Variants in DCDC1 observed in about 807,000 individuals in gnomAD.
DCDC1 encodes the protein doublecortin domain containing 1.
DCDC1 carries 200 observed loss-of-function variants against 178.3 expected under a neutral mutation model. The observed-to-expected ratio is 1.12, with a 90% CI of 1.00 to 1.26. The LOEUF (loss-of-function observed/expected upper bound fraction) is 1.26, where lower values mean the gene tolerates loss of function less well. Ranked by LOEUF, DCDC1 falls within the 50% of genes most tolerant of loss-of-function variation. The pLI is 0.00. For missense variants in DCDC1, 1,983 were observed against 1,749.2 expected (o/e 1.13, Z -2.38); for synonymous variants, 690 against 604.8 (o/e 1.14, Z -2.07).
intron 9 of DCDC1, among the ~76,000 whole-genome samples, chr11:31,235,660 G>A (rs926685811): frequency 3.3e-5 from 5 of 152,028 alleles, no homozygotes; most frequent in African/African-American, 1.2e-4. Flanking sequence ...TGTTGATAAA[G>A]ATGGAGACAT....
intron 9 of DCDC1, among the ~76,000 whole-genome samples, chr11:31,189,875 C>T (rs956280496): frequency 2.6e-5 from 4 of 152,208 alleles, no homozygotes; most frequent in African/African-American, 9.6e-5. Context: ...AGCCATATCA[C>T]TAACATATTC....
chr11:30,998,270 C>G (rs1951381847), intron 20 of DCDC1, among the ~76,000 whole-genome samples: 1 of 151,654 alleles, frequency 6.6e-6, no homozygotes, highest in Admixed American at 6.6e-5. Context: ...CCAGCCTGGG[C>G]AATAGAATGA....
At chr11:31,137,856 C>G in intron 9 of DCDC1, 72 bp from the exon 10 acceptor site, 4 of 646,748 alleles carry the variant, frequency 6.2e-6, no homozygotes, top group Non-Finnish European at 1.1e-5. Flanking sequence ...ATTCAAACAA[C>G]TAGTTAAGCA....
intron 11 of DCDC1, among the ~76,000 whole-genome samples, chr11:31,112,872 C>T (rs762364919): frequency 5.3e-5 from 8 of 152,122 alleles, no homozygotes; most frequent in Non-Finnish European, 7.4e-5. Context: ...GTGCCTACTA[C>T]GTGCCAAGCA....
intron 14 of DCDC1, among the ~76,000 whole-genome samples, chr11:31,103,006 T>A (rs1236732445): frequency 6.6e-6 from 1 of 152,078 alleles, no homozygotes; most frequent in East Asian, 1.9e-4. Context: ...AAGAGTAGAG[T>A]AATATGGAAT....
intron 20 of DCDC1, among the ~76,000 whole-genome samples, chr11:30,994,528 G>GTT (rs1170147445): frequency 1.9e-5 from 2 of 106,162 alleles, no homozygotes; most frequent in Non-Finnish European, 4.6e-5. Flanking sequence ...CTGACCTCAA[G>GTT]TTATATATAT....
At chr11:30,916,726 A>G in intron 26 of DCDC1, 144 bp downstream of exon 26, 1 of 1,026,764 alleles carries the variant, frequency 9.7e-7, no homozygotes, top group East Asian at 2.8e-5. Flanking sequence ...TAAATATTTT[A>G]ATCAAAAACA....
chr11:31,328,612 C>T (rs1028505347), intron 2 of DCDC1, among the ~76,000 whole-genome samples: 1 of 151,948 alleles, frequency 6.6e-6, no homozygotes, highest in African/African-American at 2.4e-5. Context: ...TCCTGGCTAA[C>T]ACAGTGAAAC....
At chr11:30,928,007 C>T (rs1000178529) in intron 22 of DCDC1, among the ~76,000 whole-genome samples, 1 of 151,970 alleles carries the variant, frequency 6.6e-6, no homozygotes, top group African/African-American at 2.4e-5. Flanking sequence ...GATGTTTGTC[C>T]TCTGCAAACC....
At chr11:31,194,213 G>A (rs573149158) in intron 9 of DCDC1, among the ~76,000 whole-genome samples, 9 of 152,086 alleles carry the variant, frequency 5.9e-5, no homozygotes, top group Admixed American at 4.6e-4. Context: ...GTTTAATGTC[G>A]ACAAGATTAC....
At chr11:31,280,771 G>C in intron 7 of DCDC1, 1 of 603,548 alleles carries the variant, frequency 1.7e-6, no homozygotes, top group South Asian at 1.4e-5. Flanking sequence ...TGTACTTCTT[G>C]GGACTCTCCA....
chr11:31,023,879 G>C (rs780427981), intron 20 of DCDC1, among the ~76,000 whole-genome samples: 1 of 151,938 alleles, frequency 6.6e-6, no homozygotes. Context: ...GTAACTAAAA[G>C]AGCTAAACTT....
At chr11:31,213,756 T>C (rs286647) in intron 9 of DCDC1, among the ~76,000 whole-genome samples, 105,320 of 151,542 alleles carry the variant, frequency 0.69, 37,629 homozygotes, top group East Asian at 0.96. Flanking sequence ...CATCTTCTAC[T>C]ACTTTTGACA....
intron 20 of DCDC1, among the ~76,000 whole-genome samples, chr11:31,007,518 G>A (rs1364950790): frequency 6.6e-6 from 1 of 152,212 alleles, no homozygotes; most frequent in Non-Finnish European, 1.5e-5. Context: ...CAGTATGGTT[G>A]TAGGAGTGTC....
intron 6 of DCDC1, among the ~76,000 whole-genome samples, chr11:31,293,361 C>T (rs1013142692): frequency 6.6e-6 from 1 of 152,086 alleles, no homozygotes; most frequent in African/African-American, 2.4e-5. Flanking sequence ...TTAGAAAGAG[C>T]AAGAAACCAC....
At chr11:30,958,898 GA>G (rs1194964846) in intron 20 of DCDC1, among the ~76,000 whole-genome samples, 1 of 152,082 alleles carries the variant, frequency 6.6e-6, no homozygotes, top group East Asian at 1.9e-4. Context: ...GCAAAGGTCT[GA>G]AACCCAGGGG....
intron 15 of DCDC1, among the ~76,000 whole-genome samples, chr11:31,097,866 C>A (rs1260371574): frequency 6.6e-6 from 1 of 152,172 alleles, no homozygotes; most frequent in Non-Finnish European, 1.5e-5. Flanking sequence ...CGTTTCCCAG[C>A]CTCCTTTATG....
chr11:30,999,869 T>C (rs1951475890), intron 20 of DCDC1, among the ~76,000 whole-genome samples: 2 of 152,166 alleles, frequency 1.3e-5, no homozygotes, highest in Non-Finnish European at 2.9e-5. Flanking sequence ...CTGGAGACCA[T>C]CTCACAGCAT....
chr11:31,169,383 G>C (rs751226037), intron 9 of DCDC1, among the ~76,000 whole-genome samples: 1 of 152,112 alleles, frequency 6.6e-6, no homozygotes, highest in South Asian at 2.1e-4. Flanking sequence ...AATAAAATAA[G>C]TTTTATGACT....
Sources: gnomAD v4.1 joint callset for allele counts (sites outside exome capture counted in the v4.1 genomes callset) on GRCh38, gnomAD v4.1.1 for gene constraint, MANE v1.5 for transcripts, NCBI Gene and HGNC (gene_info 2026-07-23, HGNC 2026-07-21) for gene names.